Variants in ZNF595 observed in about 807,000 individuals in gnomAD.
ZNF595 encodes zinc finger protein 595.
Under a neutral mutation model 19.4 loss-of-function variants are expected in ZNF595, and 9 were observed. That is an observed-to-expected ratio of 0.46 (90% CI 0.28 to 0.81). The LOEUF is 0.81. Ranked by LOEUF, ZNF595 falls within the 30% of genes least tolerant of loss-of-function variation. The pLI, the probability that ZNF595 is intolerant of heterozygous loss-of-function variation, is 0.11. For synonymous variants in ZNF595, 255 were observed against 255.9 expected (o/e 1.00, Z 0.03); for missense variants, 729 against 736.0 (o/e 0.99, Z 0.11).
chr4:66,852 A>T (rs1165718284), intron 3 of ZNF595, among the ~76,000 whole-genome samples: 1 of 151,948 alleles, frequency 6.6e-6, no homozygotes, highest in African/African-American at 2.4e-5. Flanking sequence ...ATCTGTTCTA[A>T]AAACAGGAAA....
chr4:70,108 C>A (rs556101884), intron 3 of ZNF595, among the ~76,000 whole-genome samples: 1 of 152,232 alleles, frequency 6.6e-6, no homozygotes, highest in East Asian at 1.9e-4. Flanking sequence ...TGAGTCAACA[C>A]TACTAAAGAG....
rs1331823774 is a variant in ZNF595, at chr4:54,845, C to G, written c.3+1354C>G. On this transcript the variant is annotated intron_variant, in intron 1 of 3. Transcript: ENST00000610261. The stretch of plus-strand genomic sequence containing the variant: ...CCTGCCTCGGCCTGTACCTGTGGCA[C>G]AAACCAGTGCTTTAGTCAGTCCTGC... 2.6e-5 allele frequency among the ~76,000 whole-genome samples: 4 copies of G among 152,414 alleles called. No homozygotes were observed. In the East Asian group the frequency reaches 7.7e-4, roughly 29 times the overall value.
At position 78,873 on chromosome 4, in the gene ZNF595, A is replaced by G. The variant is rs371880905; in HGVS notation, c.227-6858A>G. On this transcript the variant is annotated intron_variant, in intron 3 of 3. Coordinates refer to ENST00000610261, the MANE Select transcript of ZNF595 (RefSeq NM_182524.4). Reference sequence around the variant, plus strand: ...CATGCCCGGCTAATTTTGTATTTTCAGTAGAGACATGGTTTCTCCAAGTTG... The same window carrying G: ...CATGCCCGGCTAATTTTGTATTTTCGGTAGAGACATGGTTTCTCCAAGTTG... 5.7e-4 allele frequency among the ~76,000 whole-genome samples: 86 copies of G among 152,210 alleles called. No homozygotes were observed. The South Asian group carries it at 0.017, about 30-fold the overall frequency.
intron 3 of ZNF595, among the ~76,000 whole-genome samples, chr4:81,345 T>G (rs1581385583): frequency 2.0e-5 from 3 of 152,184 alleles, no homozygotes; most frequent in African/African-American, 7.2e-5. Flanking sequence ...CCTTATTGTT[T>G]ATAAGTTGTA....
chr4:69,219 G>A (rs1713330481), intron 3 of ZNF595, among the ~76,000 whole-genome samples: 2 of 152,172 alleles, frequency 1.3e-5, no homozygotes, highest in South Asian at 4.1e-4. Context: ...TAAAATGGAG[G>A]TGCAGATATC....
intron 3 of ZNF595, among the ~76,000 whole-genome samples, chr4:69,393 T>C (rs782682491): frequency 1.4e-4 from 22 of 152,230 alleles, no homozygotes; most frequent in Non-Finnish European, 5.9e-5. Flanking sequence ...CCCACATCCT[T>C]ACTGGCGTTT....
At position 86,938 on chromosome 4, in the gene ZNF595, A is replaced by T; in HGVS notation, c.1434A>T (p.Lys478Asn). The T allele has an allele frequency of 1.2e-6, 2 of 1,611,048 alleles. No individual in the cohort carries two copies. Among genetic ancestry groups the T allele is most frequent in the Non-Finnish European group, 1.7e-6 (2 of 1,178,220 alleles). ...ATAAGAAAATTCATACTGGCGAGAA[A>T]CCCTACAAATGTGAAGAATGTGGCA... is the stretch of plus-strand genomic sequence containing the variant. ...NEHKKIHTGEKPYKCEECGKA... is the reference protein window; with the variant it reads ...NEHKKIHTGENPYKCEECGKA... The change falls in exon 4 of 4, where the codon AAA becomes AAT. Residue 478 changes from lysine to asparagine, a missense_variant. Around this residue, in one of 2 missense-constraint regions of ZNF595, gnomAD observed 729 missense variants for 675.3 expected, o/e 1.08. Transcript: ENST00000610261.
At position 82,371 on chromosome 4, in the gene ZNF595, GGTTTTTTTTTTTTTTT is replaced by G. The variant is rs1440119397; in HGVS notation, c.227-3359_227-3344del. 1.1e-3 allele frequency among the ~76,000 whole-genome samples: 105 copies of G among 97,714 alleles called. 1 individual carries two copies. Among genetic ancestry groups the G allele is most frequent in the African/African-American group, 3.7e-3 (102 of 27,404 alleles). 64.1% of individuals were successfully genotyped at this position (97,714 alleles called of 152,430 possible). A position where few individuals can be genotyped will look rare whatever the true frequency, so the allele number is the denominator to read the frequency against. On this transcript the variant is annotated intron_variant, in intron 3 of 3. Transcript: ENST00000610261. ...ACAAAAGTCCATTTTTTTGGTTTGT[GGTTTTTTTTTTTTTTT>G]TTTTTTTTTTTTTGAGATGGAGTTT...
At chr4:73,166 A>G (rs1428928324) in intron 3 of ZNF595, among the ~76,000 whole-genome samples, 1 of 152,190 alleles carries the variant, frequency 6.6e-6, no homozygotes, top group Non-Finnish European at 1.5e-5. Context: ...TGGGGAAAGC[A>G]CCAAGCATAA....
At position 78,734 on chromosome 4, in the gene ZNF595, T is replaced by A. The variant is rs183396610; in HGVS notation, c.227-6997T>A. Reference sequence around the variant, plus strand: ...AACATTTTCTTTCTTTCTTTCTTTTTTGAGACAGAGTTTTGCTCTTGTTGC... The same window carrying A: ...AACATTTTCTTTCTTTCTTTCTTTTATGAGACAGAGTTTTGCTCTTGTTGC... On this transcript the variant is annotated intron_variant, in intron 3 of 3. Transcript: ENST00000610261. Among the ~76,000 whole-genome samples the A allele has an allele frequency of 3.4e-3, 517 of 152,372 alleles. 4 individuals carry two copies. Among genetic ancestry groups the A allele is most frequent in the African/African-American group, 0.012 (505 of 41,600 alleles).
Position 87,267 on chromosome 4 carries a change from G to A in ZNF595, c.1763G>A (p.Gly588Glu), listed in dbSNP as rs1553802042. 1 of 1,611,886 alleles carries A rather than the reference G, an allele frequency of 6.2e-7. No individual in the cohort carries two copies. Among genetic ancestry groups the A allele is most frequent in the East Asian group, 2.2e-5 (1 of 44,846 alleles). The change falls in exon 4 of 4, where the codon GGA becomes GAA. Residue 588 changes from glycine (G) to glutamate (E), a missense_variant. Gly to Glu is a moderately conservative substitution (Grantham distance 98). Around this residue, in one of 2 missense-constraint regions of ZNF595, gnomAD observed 729 missense variants for 675.3 expected, o/e 1.08. Coordinates refer to ENST00000610261, the MANE Select transcript of ZNF595 (RefSeq NM_182524.4). ...TLTKHKRIHT[G>E]EKPFTCEECG... ...ACTAAACATAAGAGAATTCATACTG[G>A]AGAGAAACCCTTCACATGTGAAGAA...
chr4:82,611 T>C (rs1553800241), intron 3 of ZNF595, among the ~76,000 whole-genome samples: 1 of 151,996 alleles, frequency 6.6e-6, no homozygotes, highest in African/African-American at 2.4e-5. Context: ...CTCGAACTAA[T>C]GACCTCAAGT....
At chr4:78,368 T>G (rs1713763020) in intron 3 of ZNF595, among the ~76,000 whole-genome samples, 1 of 152,230 alleles carries the variant, frequency 6.6e-6, no homozygotes. Context: ...TATGACCCTG[T>G]GGTATTTAAT....
intron 3 of ZNF595, among the ~76,000 whole-genome samples, chr4:77,391 C>T (rs1480965782): frequency 6.6e-6 from 1 of 151,860 alleles, no homozygotes; most frequent in Non-Finnish European, 1.5e-5. Context: ...ACTTCTTAGC[C>T]ATTTTTTAGA....
intron 3 of ZNF595, among the ~76,000 whole-genome samples, chr4:66,905 G>C (rs1309449097): frequency 6.7e-6 from 1 of 150,364 alleles, no homozygotes; most frequent in Non-Finnish European, 1.5e-5. Flanking sequence ...AGAATGTTTG[G>C]GCTATCAGTG....
At chr4:85,646 T>G (rs1483546675) in intron 3 of ZNF595, 85 bp from the exon 4 acceptor site, 5 of 1,403,208 alleles carry the variant, frequency 3.6e-6, no homozygotes, top group Non-Finnish European at 4.8e-6. Context: ...TAATGCAGTT[T>G]GTATACATTT....
In ZNF595 at chr4:86,562, C is replaced by A; in HGVS notation, c.1058C>A (p.Ser353Ter). Residue 353 changes from serine (S) to a stop codon, truncating the protein, a stop_gained, in exon 4 of 4, where the codon TCA becomes TAA. Coordinates refer to ENST00000610261, the MANE Select transcript of ZNF595 (RefSeq NM_182524.4). LOFTEE classifies it high-confidence loss of function. The stretch of plus-strand genomic sequence containing the variant: ...TGTGGCAAAGCTTTTAACCAATCCT[C>A]AAGTCTTATTATACACAGGAGCATT... Reference protein sequence around the residue: ...EKCGKAFNQSSSLIIHRSIHS... With the variant: ...EKCGKAFNQS The A allele has an allele frequency of 6.2e-7, 1 of 1,613,828 alleles. No individual in the cohort carries two copies. The highest frequency in any genetic ancestry group is 8.5e-7 in the Non-Finnish European group (1 of 1,179,832).
chr4:84,693 T>G (rs1370984272), intron 3 of ZNF595, among the ~76,000 whole-genome samples: 1 of 152,214 alleles, frequency 6.6e-6, no homozygotes, highest in Non-Finnish European at 1.5e-5. Context: ...TGAAGTTTGT[T>G]GAGCTTCTTC....
chr4:86,325 A>G lies in ZNF595; in HGVS notation c.821A>G (p.His274Arg). Residue 274 changes from histidine (H) to arginine (R), a missense_variant, in exon 4 of 4, where the codon CAC becomes CGC. By Grantham distance (29) the His-to-Arg change is conservative. Around this residue, in one of 2 missense-constraint regions of ZNF595, gnomAD observed 729 missense variants for 675.3 expected, o/e 1.08. Transcript: ENST00000610261. ...ACAAGGTCCACAACACTGAATGAAC[A>G]CAAGAAAATTCATACTGGAGAGAAA... Reference protein sequence around the residue: ...AFTRSTTLNEHKKIHTGEKPY... With the variant: ...AFTRSTTLNERKKIHTGEKPY... 1 of 1,613,946 alleles carries G rather than the reference A, an allele frequency of 6.2e-7. No individual in the cohort carries two copies. The highest frequency in any genetic ancestry group is 8.5e-7 in the Non-Finnish European group (1 of 1,179,942).
Sources: allele counts gnomAD v4.1 joint callset (sites outside exome capture counted in the v4.1 genomes callset), GRCh38; gene constraint gnomAD v4.1.1; regional missense constraint gnomAD v4.1.1; transcripts MANE v1.5; gene names NCBI Gene and HGNC (gene_info 2026-07-23, HGNC 2026-07-21).